Variants in CYTH2 observed in about 807,000 individuals in gnomAD.
The protein encoded by CYTH2 is cytohesin-2.
CYTH2 carries 24 observed loss-of-function variants against 55.4 expected under a neutral mutation model. The observed-to-expected ratio is 0.43, with a 90% CI of 0.31 to 0.61. The LOEUF (loss-of-function observed/expected upper bound fraction) is 0.61. Ranked by LOEUF, CYTH2 falls within the 20% of genes least tolerant of loss-of-function variation. CYTH2 has a pLI of 0.08. For synonymous variants in CYTH2, 221 were observed against 209.6 expected (o/e 1.05, Z -0.47); for missense variants, 378 against 533.5 (o/e 0.71, Z 2.87).
chr19:48,469,563 T>C, intron 1 of CYTH2, 37 bp downstream of exon 1: 1 of 1,315,634 alleles, frequency 7.6e-7, no homozygotes, highest in Non-Finnish European at 9.8e-7. Flanking sequence ...TGGGAGTTGC[T>C]GGAGCGTTTT....
chr19:48,479,092 C>T, intron 11 of CYTH2, 31 bp from the exon 12 acceptor site: 1 of 1,609,876 alleles, frequency 6.2e-7, no homozygotes, highest in Non-Finnish European at 8.5e-7. Flanking sequence ...GACTCCTTGG[C>T]CCTCATCCTG....
At position 48,474,416 on chromosome 19, in the gene CYTH2, G is replaced by A; in HGVS notation, c.696+86G>A. 1 of 1,419,450 alleles carries A rather than the reference G, an allele frequency of 7.0e-7. No individual in the cohort carries two copies. The highest frequency in any genetic ancestry group is 9.4e-7 in the Non-Finnish European group (1 of 1,063,298). 87.9% of individuals were successfully genotyped at this position (1,419,450 alleles called of 1,614,324 possible). ...CCACCTGTGGTCTCCTAGTGCCCAA[G>A]CTGTCTGCCCTCACCCCCAAGATGG... On this transcript the variant is annotated intron_variant, in intron 7 of 11. Transcript: ENST00000452733. The surrounding 1 kb of genome is among the most constrained non-coding windows in gnomAD (Gnocchi z 4.9).
Position 48,469,475 on chromosome 19 carries a change from GC to G in CYTH2, c.-29del. 1 of 1,309,816 alleles carries G rather than the reference GC, an allele frequency of 7.6e-7. No individual in the cohort carries two copies. Among genetic ancestry groups the G allele is most frequent in the South Asian group, 2.2e-5 (1 of 45,778 alleles). 81.1% of individuals were successfully genotyped at this position (1,309,816 alleles called of 1,614,324 possible). A position where few individuals can be genotyped will look rare whatever the true frequency, so the allele number is the denominator to read the frequency against. On this transcript the variant is annotated 5_prime_UTR_variant, in exon 1 of 12. Transcript: ENST00000452733. ...GGATCCAGGCCCGACTGGCGGGACC[GC>G]CCCGGATTCCCCGCGGGCCTTCCTA...
At chr19:48,469,547 G>A (rs1971739157) in intron 1 of CYTH2, 21 bp downstream of exon 1, 1 of 1,321,376 alleles carries the variant, frequency 7.6e-7, no homozygotes, top group Non-Finnish European at 9.7e-7. Context: ...GAGGGGCGGG[G>A]TCGGCTGGGA....
In CYTH2 at chr19:48,480,157, G is replaced by T; in HGVS notation, c.*947G>T. On this transcript the variant is annotated 3_prime_UTR_variant, in exon 12 of 12. Transcript: ENST00000452733. ...GTCTGTGACCTTTTGCCCTCCAGTT[G>T]GGGTATGTGTGGTGTCCCCAAAGAA... is the stretch of plus-strand genomic sequence containing the variant. 1 of 152,348 alleles carries T rather than the reference G, an allele frequency of 6.6e-6. No homozygotes were observed. The allele number at this position is 152,348 out of a possible 1,614,324, so 9.4% of individuals were successfully genotyped here. A position where few individuals can be genotyped will look rare whatever the true frequency, so the allele number is the denominator to read the frequency against.
chr19:48,478,044 C>A, intron 8 of CYTH2, 25 bp from the exon 9 acceptor site: 1 of 1,605,934 alleles, frequency 6.2e-7, no homozygotes, highest in Non-Finnish European at 8.5e-7. Flanking sequence ...TGAGCCCAGG[C>A]CCCCTCCCAC....
intron 1 of CYTH2, chr19:48,470,085 T>G: frequency 1.5e-6 from 1 of 670,230 alleles, no homozygotes; most frequent in Non-Finnish European, 2.8e-6. Flanking sequence ...CTTTCTTCCC[T>G]CAGATCTAAG....
In CYTH2 at chr19:48,478,333, AC is replaced by A; in HGVS notation, c.949del (p.Arg317GlyfsTer58). 1 of 1,613,056 alleles carries A rather than the reference AC, an allele frequency of 6.2e-7. No homozygotes were observed. The highest frequency in any genetic ancestry group is 8.5e-7 in the Non-Finnish European group (1 of 1,179,776). On this transcript the variant is annotated frameshift_variant, in exon 10 of 12. Coordinates refer to ENST00000452733, the MANE Select transcript of CYTH2 (RefSeq NM_004228.7). LOFTEE classifies it high-confidence loss of function. ...LENLSIREVDDPRKPNCFELY... is the reference protein window; with the variant it reads ...LENLSIREVDXPRKPNCFELY... ...AATCTGAGCATCCGAGAGGTGGACG[AC>A]CCCCGGAAACCGGTAAGACCCTCTC...
chr19:48,474,383 C>T lies in CYTH2; in HGVS notation c.696+53C>T. On this transcript the variant is annotated intron_variant, in intron 7 of 11. Coordinates refer to ENST00000452733, the MANE Select transcript of CYTH2 (RefSeq NM_004228.7). This position sits in a 1 kb window ranked among gnomAD's most constrained non-coding sequence, Gnocchi z 4.9. Reference sequence around the variant, plus strand: ...CCTGCCCCTCTTCCTGCCACAGACACCCCCGCCCCACCTGTGGTCTCCTAG... The same window carrying T: ...CCTGCCCCTCTTCCTGCCACAGACATCCCCGCCCCACCTGTGGTCTCCTAG... 2 of 1,522,952 alleles carry T rather than the reference C, an allele frequency of 1.3e-6. No homozygotes were observed. Among genetic ancestry groups the T allele is most frequent in the Non-Finnish European group, 1.8e-6 (2 of 1,134,406 alleles). 94.3% of individuals were successfully genotyped at this position (1,522,952 alleles called of 1,614,324 possible).
At position 48,476,399 on chromosome 19, in the gene CYTH2, C is replaced by T. The variant is rs192682564; in HGVS notation, c.808+1450C>T. The T allele has an allele frequency of 2.3e-3, 375 of 162,626 alleles. 3 individuals are homozygous for T. The highest frequency in any genetic ancestry group is 9.7e-3 in the African/African-American group (349 of 36,012). 10.1% of individuals were successfully genotyped at this position (162,626 alleles called of 1,614,324 possible). On this transcript the variant is annotated intron_variant, in intron 8 of 11. Transcript: ENST00000452733. ...CAGCCTGGGCAACAGAGCGAGACCC[C>T]GTCTCTATAAAATAAAACATGCAAA...
At position 48,474,269 on chromosome 19, in the gene CYTH2, G is replaced by A. The variant is rs202097541; in HGVS notation, c.635G>A (p.Arg212His). Residue 212 changes from arginine to histidine, a missense_variant, in exon 7 of 12, where the codon CGC becomes CAC. Arg to His is a conservative substitution (Grantham distance 29). Transcript: ENST00000452733. The surrounding 1 kb of genome is among the most constrained non-coding windows in gnomAD (Gnocchi z 4.9). Reference protein sequence around the residue: ...PNVRDKPGLERFVAMNRGINE... With the variant: ...PNVRDKPGLEHFVAMNRGINE... ...GTCCGGGACAAGCCGGGCCTGGAGCGCTTTGTGGCCATGAACCGGGGCATC... is the reference window on the plus strand; with the variant it reads ...GTCCGGGACAAGCCGGGCCTGGAGCACTTTGTGGCCATGAACCGGGGCATC... 207 of 1,613,534 alleles carry A rather than the reference G, an allele frequency of 1.3e-4. No individual in the cohort carries two copies. The highest frequency in any genetic ancestry group is 1.6e-4 in the Non-Finnish European group (192 of 1,179,782).
chr19:48,473,706 GA>G, intron 5 of CYTH2, 198 bp from the exon 6 acceptor site: 2 of 604,450 alleles, frequency 3.3e-6, no homozygotes, highest in South Asian at 4.1e-5. Context: ...TTAGCAGAAA[GA>G]GGCTATTTCT....
At position 48,474,957 on chromosome 19, in the gene CYTH2, C is replaced by T; in HGVS notation, c.808+8C>T. Reference sequence around the variant, plus strand: ...GCTGGCTCCTGAAGCTGGGTACGTGCCCTCCCGACCCCGCTGGTCCCTCCG... The same window carrying T: ...GCTGGCTCCTGAAGCTGGGTACGTGTCCTCCCGACCCCGCTGGTCCCTCCG... On this transcript the variant is annotated splice_region_variant and intron_variant, in intron 8 of 11. Coordinates refer to ENST00000452733, the MANE Select transcript of CYTH2 (RefSeq NM_004228.7). The surrounding 1 kb of genome is among the most constrained non-coding windows in gnomAD (Gnocchi z 4.9). The T allele has an allele frequency of 6.2e-7, 1 of 1,612,640 alleles. No individual in the cohort carries two copies. The highest frequency in any genetic ancestry group is 1.7e-5 in the Admixed American group (1 of 59,906).
intron 1 of CYTH2, 65 bp from the exon 2 acceptor site, chr19:48,470,288 A>G: frequency 1.3e-6 from 2 of 1,539,920 alleles, no homozygotes; most frequent in South Asian, 2.5e-5. Context: ...GTCCGCCCCC[A>G]GATTGCAGGA....
In CYTH2 at chr19:48,474,135, G is replaced by A; in HGVS notation, c.548-47G>A. 6.4e-7 allele frequency: 1 copy of A among 1,556,536 alleles called. No individual in the cohort carries two copies. The highest frequency in any genetic ancestry group is 8.7e-7 in the Non-Finnish European group (1 of 1,150,042). ...CTGGGTCCTGGGGAATGGGGGCACT[G>A]GGGACTGACATGCCTGGGTCGTCAC... On this transcript the variant is annotated intron_variant, in intron 6 of 11. Coordinates refer to ENST00000452733, the MANE Select transcript of CYTH2 (RefSeq NM_004228.7). The surrounding 1 kb of genome is among the most constrained non-coding windows in gnomAD (Gnocchi z 4.9).
rs371276827 is a variant in CYTH2, at chr19:48,470,634, A to G, written c.199A>G (p.Met67Val). The G allele has an allele frequency of 2.2e-5, 35 of 1,614,074 alleles. No individual in the cohort carries two copies. Among genetic ancestry groups the G allele is most frequent in the South Asian group, 7.7e-5 (7 of 91,086 alleles). Reference protein sequence around the residue: ...KTLQRNRKMAMGRKKFNMDPK... With the variant: ...KTLQRNRKMAVGRKKFNMDPK... ...CTTGCAACGGAACCGGAAGATGGCA[A>G]TGGGCAGGAAGAAGTTCAACATGGA... Residue 67 changes from methionine (M) to valine (V), a missense_variant, in exon 3 of 12, where the codon ATG becomes GTG. Coordinates refer to ENST00000452733, the MANE Select transcript of CYTH2 (RefSeq NM_004228.7).
Position 48,473,923 on chromosome 19 carries a change from T to A in CYTH2, c.453T>A (p.Phe151Leu). 1 of 1,611,582 alleles carries A rather than the reference T, an allele frequency of 6.2e-7. No individual in the cohort carries two copies. The highest frequency in any genetic ancestry group is 8.5e-7 in the Non-Finnish European group (1 of 1,178,750). ...VQALRQFLWSFRLPGEAQKID... is the reference protein window; with the variant it reads ...VQALRQFLWSLRLPGEAQKID... ...AACCCAGGCAGTTTCTATGGAGCTT[T>A]CGCCTACCCGGAGAGGCCCAGAAAA... The change falls in exon 6 of 12, where the codon TTT becomes TTA. Residue 151 changes from phenylalanine to leucine, a missense_variant. Transcript: ENST00000452733.
intron 3 of CYTH2, among the ~76,000 whole-genome samples, chr19:48,471,894 A>G (rs1971804689): frequency 6.6e-6 from 1 of 152,162 alleles, no homozygotes; most frequent in Non-Finnish European, 1.5e-5. Flanking sequence ...TAGAAAAAAT[A>G]TAAATAAATA....
rs1425614767 is a variant in CYTH2, at chr19:48,469,474, C to T, written c.-34C>T. On this transcript the variant is annotated 5_prime_UTR_variant, in exon 1 of 12. Coordinates refer to ENST00000452733, the MANE Select transcript of CYTH2 (RefSeq NM_004228.7). The stretch of plus-strand genomic sequence containing the variant: ...CGGATCCAGGCCCGACTGGCGGGAC[C>T]GCCCCGGATTCCCCGCGGGCCTTCC... 3 of 1,308,236 alleles carry T rather than the reference C, an allele frequency of 2.3e-6. No homozygotes were observed. Among genetic ancestry groups the T allele is most frequent in the Non-Finnish European group, 2.9e-6 (3 of 1,021,222 alleles). The allele number at this position is 1,308,236 out of a possible 1,614,324, so 81.0% of individuals were successfully genotyped here.
Sources: gnomAD v4.1 joint callset for allele counts (sites outside exome capture counted in the v4.1 genomes callset) on GRCh38, gnomAD v4.1.1 for gene constraint, Gnocchi (gnomAD v3.1) non-coding constraint, MANE v1.5 for transcripts, NCBI Gene and HGNC (gene_info 2026-07-23, HGNC 2026-07-21) for gene names.